TMEM108: variants seen among roughly 807,000 people sequenced by gnomAD.
TMEM108 encodes the protein transmembrane protein 108, also known as cancer/testis antigen 124.
TMEM108 carries 12 observed loss-of-function variants against 35.1 expected under a neutral mutation model. The observed-to-expected ratio is 0.34, with a 90% CI of 0.22 to 0.55. TMEM108 has a LOEUF of 0.55. Among genes scored for constraint, TMEM108 ranks in the 20% least tolerant of loss-of-function variants. TMEM108 has a pLI of 0.89. For missense variants in TMEM108, 680 were observed against 753.3 expected (o/e 0.90, Z 1.14); for synonymous variants, 287 against 308.6 (o/e 0.93, Z 0.73).
chr3:133,177,417 A>G (rs1364754132), intron 2 of TMEM108, among the ~76,000 whole-genome samples: 3 of 152,370 alleles, frequency 2.0e-5, no homozygotes, highest in Admixed American at 6.5e-5. Context: ...AAAATCCTCA[A>G]TAAAATACTG....
chr3:133,139,097 C>A (rs1483582016), intron 2 of TMEM108, among the ~76,000 whole-genome samples: 1 of 152,096 alleles, frequency 6.6e-6, no homozygotes. Flanking sequence ...TGAACTCATC[C>A]TTTTTAATGG....
chr3:133,382,567 G>T (rs2073041574), intron 4 of TMEM108, among the ~76,000 whole-genome samples: 1 of 152,234 alleles, frequency 6.6e-6, no homozygotes, highest in Non-Finnish European at 1.5e-5. Flanking sequence ...GCCGATGGTG[G>T]ACTCTTTCTT....
chr3:133,256,174 A>G (rs1468354104), intron 3 of TMEM108, among the ~76,000 whole-genome samples: 1 of 152,244 alleles, frequency 6.6e-6, no homozygotes. Flanking sequence ...GTGAAATAAT[A>G]TCTTTAAAAT....
rs569073402 is a variant in TMEM108, at chr3:133,311,350, A to G, written c.41-68402A>G. Among the ~76,000 whole-genome samples the G allele has an allele frequency of 4.6e-5, 7 of 152,310 alleles. No homozygotes were observed. In the South Asian group the frequency reaches 8.3e-4, roughly 18 times the overall value. ...CTCCCTGTCACTTTCAGGTACACCA[A>G]TCAGATGTAGATTTGGTCTTTTCAC... On this transcript the variant is annotated intron_variant, in intron 3 of 5. Transcript: ENST00000321871.
At chr3:133,059,170 C>A (rs1257367653) in intron 2 of TMEM108, among the ~76,000 whole-genome samples, 1 of 152,168 alleles carries the variant, frequency 6.6e-6, no homozygotes, top group Non-Finnish European at 1.5e-5. Flanking sequence ...ATGACTGAAT[C>A]GCCTCTCAAA....
chr3:133,117,702 G>A (rs1292336293), intron 2 of TMEM108, among the ~76,000 whole-genome samples: 1 of 152,198 alleles, frequency 6.6e-6, no homozygotes, highest in Admixed American at 6.5e-5. Context: ...TAAGAAGACA[G>A]GAGCCACCAA....
Position 133,210,748 on chromosome 3 carries a change from A to G in TMEM108, c.-46-18518A>G, listed in dbSNP as rs531433911. Among the ~76,000 whole-genome samples, 5 of 152,348 alleles carry G rather than the reference A, an allele frequency of 3.3e-5. No homozygotes were observed. In the South Asian group the frequency reaches 8.3e-4, roughly 25 times the overall value. On this transcript the variant is annotated intron_variant, in intron 2 of 5. Transcript: ENST00000321871. Reference sequence around the variant, plus strand: ...GGACTAAGCATTCCTGCACAAGTCCAAACAGTGAACTTAATTCATACTCTT... The same window carrying G: ...GGACTAAGCATTCCTGCACAAGTCCGAACAGTGAACTTAATTCATACTCTT...
At chr3:133,129,046 C>T (rs925151346) in intron 2 of TMEM108, among the ~76,000 whole-genome samples, 12 of 152,214 alleles carry the variant, frequency 7.9e-5, no homozygotes, top group African/African-American at 2.6e-4. Flanking sequence ...CAATGACCTC[C>T]TATTTAAAAC....
intron 3 of TMEM108, among the ~76,000 whole-genome samples, chr3:133,356,699 T>A (rs1401288158): frequency 6.6e-6 from 1 of 151,840 alleles, no homozygotes. Context: ...CTACAAACCA[T>A]GCAAAAACAT....
chr3:133,154,958 T>C (rs1189041982), intron 2 of TMEM108, among the ~76,000 whole-genome samples: 1 of 152,196 alleles, frequency 6.6e-6, no homozygotes, highest in Non-Finnish European at 1.5e-5. Context: ...AGGTTCAGTA[T>C]AGACACTATT....
chr3:133,294,855 T>A (rs1947121005), intron 3 of TMEM108, among the ~76,000 whole-genome samples: 1 of 152,190 alleles, frequency 6.6e-6, no homozygotes, highest in East Asian at 1.9e-4. Flanking sequence ...GAATTTTTAA[T>A]AAAGAAATTA....
intron 2 of TMEM108, among the ~76,000 whole-genome samples, chr3:133,087,646 G>A (rs1943899824): frequency 6.6e-6 from 1 of 152,182 alleles, no homozygotes; most frequent in Non-Finnish European, 1.5e-5. Context: ...CATACTACCT[G>A]TCTCAGGTAT....
chr3:133,065,729 AG>A (rs1184677593), intron 2 of TMEM108, among the ~76,000 whole-genome samples: 38 of 152,210 alleles, frequency 2.5e-4, no homozygotes, highest in Admixed American at 1.3e-4. Flanking sequence ...ATAGCATTCT[AG>A]GAATGAAAAT....
chr3:133,133,215 G>T (rs1012790530), intron 2 of TMEM108, among the ~76,000 whole-genome samples: 2 of 152,148 alleles, frequency 1.3e-5, no homozygotes, highest in African/African-American at 4.8e-5. Flanking sequence ...AGTTCTGTGG[G>T]TAAAATGTGG....
At chr3:133,072,015 T>G (rs1195827867) in intron 2 of TMEM108, among the ~76,000 whole-genome samples, 1 of 152,188 alleles carries the variant, frequency 6.6e-6, no homozygotes, top group African/African-American at 2.4e-5. Context: ...AAGACAAGCG[T>G]CCAACTTCAT....
chr3:133,064,210 A>G (rs1943569256), intron 2 of TMEM108, among the ~76,000 whole-genome samples: 1 of 152,212 alleles, frequency 6.6e-6, no homozygotes, highest in African/African-American at 2.4e-5. Context: ...GCTAAAAAGC[A>G]TTCAGTTCTA....
At chr3:133,128,530 A>C (rs1251385500) in intron 2 of TMEM108, among the ~76,000 whole-genome samples, 2 of 152,120 alleles carry the variant, frequency 1.3e-5, no homozygotes, top group African/African-American at 4.8e-5. Flanking sequence ...AATAAAGAGG[A>C]TCTTTATTGC....
intron 3 of TMEM108, among the ~76,000 whole-genome samples, chr3:133,333,441 C>T (rs1042595157): frequency 6.6e-6 from 1 of 151,768 alleles, no homozygotes; most frequent in African/African-American, 2.4e-5. Flanking sequence ...TACCTTTTGG[C>T]TATAGATAAG....
At chr3:133,207,864 G>C (rs1187867967) in intron 2 of TMEM108, among the ~76,000 whole-genome samples, 1 of 152,118 alleles carries the variant, frequency 6.6e-6, no homozygotes, top group African/African-American at 2.4e-5. Flanking sequence ...CATGCAACAA[G>C]ATCCACAAAT....
Sources: gnomAD v4.1 joint callset for allele counts (sites outside exome capture counted in the v4.1 genomes callset) on GRCh38, gnomAD v4.1.1 for gene constraint, MANE v1.5 for transcripts, NCBI Gene and HGNC (gene_info 2026-07-23, HGNC 2026-07-21) for gene names.